Variants in CHST11 observed in about 807,000 individuals in gnomAD.
The protein encoded by CHST11 is carbohydrate sulfotransferase 11.
A neutral mutation model predicts 30.4 loss-of-function variants in CHST11; 9 were observed. That is an observed-to-expected ratio of 0.30 (90% CI 0.18 to 0.52). The LOEUF (loss-of-function observed/expected upper bound fraction) is 0.52. Among genes scored for constraint, CHST11 ranks in the 20% least tolerant of loss-of-function variants. The pLI is 0.97. For missense variants in CHST11, 348 were observed against 460.6 expected, an observed-to-expected ratio of 0.76 and a Z score of 2.24; for synonymous variants, 152 against 187.8, an observed-to-expected ratio of 0.81 and a Z score of 1.56.
intron 2 of CHST11, among the ~76,000 whole-genome samples, chr12:104,743,690 T>G (rs949117385): frequency 6.6e-6 from 1 of 152,210 alleles, no homozygotes; most frequent in African/African-American, 2.4e-5. Context: ...GGGGGTCTGT[T>G]GTACAGATTC....
chr12:104,603,640 G>C (rs75395962), intron 2 of CHST11, among the ~76,000 whole-genome samples: 4 of 152,204 alleles, frequency 2.6e-5, no homozygotes, highest in Non-Finnish European at 4.4e-5. Context: ...GGAATGTTGG[G>C]AGGATGAAAT....
At chr12:104,527,316 T>C (rs1343344078) in intron 1 of CHST11, among the ~76,000 whole-genome samples, 4 of 152,216 alleles carry the variant, frequency 2.6e-5, no homozygotes, top group East Asian at 1.9e-4. Context: ...TTTGGCAGCC[T>C]GAGTGGATTA....
chr12:104,468,319 A>C (rs887776271), intron 1 of CHST11, among the ~76,000 whole-genome samples: 8 of 152,334 alleles, frequency 5.3e-5, no homozygotes, highest in African/African-American at 1.9e-4. Flanking sequence ...AACTTGGGTC[A>C]GGCATTGAAT....
At chr12:104,646,591 G>T (rs2039434009) in intron 2 of CHST11, among the ~76,000 whole-genome samples, 1 of 152,132 alleles carries the variant, frequency 6.6e-6, no homozygotes, top group Non-Finnish European at 1.5e-5. Flanking sequence ...AAATAGCTGG[G>T]CATGGTGGCA....
At chr12:104,754,295 A>G (rs1477252165) in intron 2 of CHST11, among the ~76,000 whole-genome samples, 1 of 152,162 alleles carries the variant, frequency 6.6e-6, no homozygotes, top group East Asian at 1.9e-4. Context: ...CTGGGCAACA[A>G]ATCACCCCAA....
intron 1 of CHST11, among the ~76,000 whole-genome samples, chr12:104,538,418 G>A (rs182829966): frequency 3.9e-4 from 60 of 152,244 alleles, no homozygotes; most frequent in Non-Finnish European, 5.6e-4. Flanking sequence ...GTTGACCTTC[G>A]TCTCTTGGCT....
At chr12:104,677,653 G>A (rs2039754865) in intron 2 of CHST11, among the ~76,000 whole-genome samples, 1 of 152,244 alleles carries the variant, frequency 6.6e-6, no homozygotes, top group African/African-American at 2.4e-5. Context: ...AGCAGAGAGA[G>A]AGAGGTAGGG....
chr12:104,645,322 C>T (rs924563981), intron 2 of CHST11, among the ~76,000 whole-genome samples: 1 of 152,160 alleles, frequency 6.6e-6, no homozygotes, highest in Non-Finnish European at 1.5e-5. Context: ...TGGCAATAAT[C>T]CTCTGAGGTG....
At chr12:104,582,413 CTT>C (rs1052291157) in intron 1 of CHST11, among the ~76,000 whole-genome samples, 1 of 152,130 alleles carries the variant, frequency 6.6e-6, no homozygotes, top group African/African-American at 2.4e-5. Flanking sequence ...TGCTTGAAGA[CTT>C]TGATGTCAGC....
intron 1 of CHST11, among the ~76,000 whole-genome samples, chr12:104,493,153 C>T (rs886102094): frequency 5.9e-5 from 9 of 152,158 alleles, no homozygotes; most frequent in Admixed American, 3.3e-4. Context: ...AAAAAAAGAT[C>T]GGAAAGTGAA....
chr12:104,626,037 G>A (rs865929094), intron 2 of CHST11, among the ~76,000 whole-genome samples: 2 of 152,178 alleles, frequency 1.3e-5, no homozygotes, highest in Admixed American at 6.5e-5. Context: ...TCGAGGCCCA[G>A]TGAGGTTCTG....
intron 1 of CHST11, among the ~76,000 whole-genome samples, chr12:104,479,607 T>A (rs536543860): frequency 6.6e-6 from 1 of 152,162 alleles, no homozygotes; most frequent in African/African-American, 2.4e-5. Context: ...GTTTTTCTGA[T>A]GAATAACAAC....
intron 2 of CHST11, among the ~76,000 whole-genome samples, chr12:104,680,277 C>A (rs936366586): frequency 2.6e-5 from 4 of 152,240 alleles, no homozygotes; most frequent in Admixed American, 6.5e-5. Context: ...CCTCTCAACA[C>A]TGGAGTGACA....
rs569179718 is a variant in CHST11, at chr12:104,557,885, G to A, written c.119-44021G>A. On this transcript the variant is annotated intron_variant, in intron 1 of 2. Transcript: ENST00000303694. ...GGCTGGAGCAATCAGAGAAGCCTTCGTGGGGGTGTAGGTCTGACTTGGGGG... is the reference window on the plus strand; with the variant it reads ...GGCTGGAGCAATCAGAGAAGCCTTCATGGGGGTGTAGGTCTGACTTGGGGG... Among the ~76,000 whole-genome samples, 6 of 152,232 alleles carry A rather than the reference G, an allele frequency of 3.9e-5. No homozygotes were observed. In the South Asian group the frequency reaches 6.2e-4, roughly 16 times the overall value.
At chr12:104,634,648 G>T (rs923068803) in intron 2 of CHST11, among the ~76,000 whole-genome samples, 1 of 152,218 alleles carries the variant, frequency 6.6e-6, no homozygotes. Flanking sequence ...TACTGGCTGG[G>T]TGATCATGTC....
chr12:104,687,669 C>A (rs1443230283), intron 2 of CHST11, among the ~76,000 whole-genome samples: 2 of 152,124 alleles, frequency 1.3e-5, no homozygotes, highest in Non-Finnish European at 2.9e-5. Flanking sequence ...GGAGGTACTA[C>A]GAGTTGAAAT....
chr12:104,486,875 C>T (rs1378098917), intron 1 of CHST11, among the ~76,000 whole-genome samples: 1 of 152,184 alleles, frequency 6.6e-6, no homozygotes, highest in Non-Finnish European at 1.5e-5. Flanking sequence ...GCATACTAGC[C>T]TTCTACCCTT....
chr12:104,472,135 T>A (rs867776109), intron 1 of CHST11, among the ~76,000 whole-genome samples: 8,975 of 150,268 alleles, frequency 0.06, 668 homozygotes, highest in East Asian at 0.17. Flanking sequence ...TTTTGATTTT[T>A]TTTTTCTTTT....
intron 2 of CHST11, among the ~76,000 whole-genome samples, chr12:104,688,309 A>G (rs768193612): frequency 6.6e-6 from 1 of 151,860 alleles, no homozygotes; most frequent in Non-Finnish European, 1.5e-5. Context: ...CTAGATTGAC[A>G]AGTTGAACCT....
Sources: gnomAD v4.1 joint callset for allele counts (sites outside exome capture counted in the v4.1 genomes callset) on GRCh38, gnomAD v4.1.1 for gene constraint, MANE v1.5 for transcripts, NCBI Gene and HGNC (gene_info 2026-07-23, HGNC 2026-07-21) for gene names.